The following CELSR1 variants were observed in gnomAD, a reference collection of about 807,000 sequenced individuals.
CELSR1 encodes the protein cadherin EGF LAG seven-pass G-type receptor 1, also known as adhesion G protein-coupled receptor C1.
CELSR1 carries 110 observed loss-of-function variants against 249.1 expected under a neutral mutation model. That is an observed-to-expected ratio of 0.44 (90% CI 0.38 to 0.52). CELSR1 has a LOEUF of 0.52. Ranked by LOEUF, CELSR1 falls within the 20% of genes least tolerant of loss-of-function variation. CELSR1 has a pLI of 0.00. For missense variants in CELSR1, 4,109 were observed against 4,296.4 expected (o/e 0.96, Z 1.22); for synonymous variants, 2,113 against 1,900.0 (o/e 1.11, Z -2.92).
At chr22:46,435,121 ATATT>A (rs1281532147) in intron 4 of CELSR1, among the ~76,000 whole-genome samples, 1 of 151,962 alleles carries the variant, frequency 6.6e-6, no homozygotes, top group Non-Finnish European at 1.5e-5. Context: ...CCTTGTCGAT[ATATT>A]TTTTTTAAAA....
At position 46,404,735 on chromosome 22, in the gene CELSR1, T is replaced by C. The variant is rs538384801; in HGVS notation, c.5226+4261A>G. 2.6e-3 allele frequency among the ~76,000 whole-genome samples: 396 copies of C among 150,994 alleles called. 5 individuals are homozygous for C. Among genetic ancestry groups the C allele is most frequent in the African/African-American group, 9.2e-3 (377 of 41,164 alleles). Reference sequence around the variant, plus strand: ...AACTCCTGACCTCAGGTGATCCACCTGCCTTGGCCTTCCAAAGTGGTAGGA... The same window carrying C: ...AACTCCTGACCTCAGGTGATCCACCCGCCTTGGCCTTCCAAAGTGGTAGGA... On this transcript the variant is annotated intron_variant, in intron 9 of 34. Transcript: ENST00000674500.
rs1041293745 is a variant in CELSR1 at position 46,500,483 on chromosome 22, T to C, written c.3544+33144A>G. ...GACAATGGCAAGGCTCTGGGCTTAT[T>C]CAGATGACTGGGGTGTGCTGAATGG... On this transcript the variant is annotated intron_variant, in intron 1 of 34. Transcript: ENST00000674500. This position sits in a 1 kb window ranked among gnomAD's most constrained non-coding sequence, Gnocchi z 4.9. 6.6e-6 allele frequency among the ~76,000 whole-genome samples: 1 copy of C among 152,088 alleles called. No homozygotes were observed. The highest frequency in any genetic ancestry group is 6.6e-5 in the Admixed American group (1 of 15,262).
In CELSR1 at chr22:46,464,293, C is replaced by T. The variant is rs374505467; in HGVS notation, c.3597G>A (p.Thr1199=). The T allele has an allele frequency of 1.9e-5, 30 of 1,613,446 alleles. No individual in the cohort carries two copies. Among genetic ancestry groups the T allele is most frequent in the East Asian group, 4.5e-5 (2 of 44,876 alleles). Residue 1199 remains threonine, a synonymous_variant, in exon 2 of 35, where the codon ACG becomes ACA. Transcript: ENST00000674500. The surrounding 1 kb of genome is among the most constrained non-coding windows in gnomAD (Gnocchi z 8.5). ...TGATGCTGTTGGTCAGCATGTCGTC[C>T]GTGATGATGGTGACACGCAGGGTGC... The part of the protein sequence containing the change: ...AFCTLRVTII[T]DDMLTNSITV...
Position 46,363,684 on chromosome 22 carries a change from C to T in CELSR1, c.9035+312G>A. 1 of 427,156 alleles carries T rather than the reference C, an allele frequency of 2.3e-6. No individual in the cohort carries two copies. The highest frequency in any genetic ancestry group is 2.0e-5 in the African/African-American group (1 of 49,952). The allele number at this position is 427,156 out of a possible 1,614,324, so 26.5% of individuals were successfully genotyped here. A position where few individuals can be genotyped will look rare whatever the true frequency, so the allele number is the denominator to read the frequency against. ...CAACTGCAAGGTGGGTGGCAGTGGT[C>T]CCAGGCGGAGACAATGCTGATCAAA... On this transcript the variant is annotated intron_variant, in intron 34 of 34. Transcript: ENST00000674500. This position sits in a 1 kb window ranked among gnomAD's most constrained non-coding sequence, Gnocchi z 4.3.
rs933388645 is a variant in CELSR1, at chr22:46,434,102, G to A, written c.4523-621C>T. 3.3e-5 allele frequency among the ~76,000 whole-genome samples: 5 copies of A among 152,326 alleles called. No homozygotes were observed. Among genetic ancestry groups the A allele is most frequent in the African/African-American group, 4.8e-5 (2 of 41,582 alleles). On this transcript the variant is annotated intron_variant, in intron 4 of 34. Coordinates refer to ENST00000674500, the MANE Select transcript of CELSR1 (RefSeq NM_001378328.1). This position sits in a 1 kb window ranked among gnomAD's most constrained non-coding sequence, Gnocchi z 4.9. ...CCTTTTTCCTATGCATTGCATCAACGTAGACAAAATCATCAAAACCAATTC... is the reference window on the plus strand; with the variant it reads ...CCTTTTTCCTATGCATTGCATCAACATAGACAAAATCATCAAAACCAATTC...
Position 46,434,756 on chromosome 22 carries a change from G to A in CELSR1, c.4523-1275C>T, listed in dbSNP as rs2079638002. On this transcript the variant is annotated intron_variant, in intron 4 of 34. Transcript: ENST00000674500. This position sits in a 1 kb window ranked among gnomAD's most constrained non-coding sequence, Gnocchi z 4.9. ...TCACATCTGTAATCCCAGCACTTTG[G>A]GAGGCCAAGGTGGGCGGATCACTTG... is the stretch of plus-strand genomic sequence containing the variant. 6.6e-6 allele frequency among the ~76,000 whole-genome samples: 1 copy of A among 152,170 alleles called. No individual in the cohort carries two copies. Among genetic ancestry groups the A allele is most frequent in the Non-Finnish European group, 1.5e-5 (1 of 68,036 alleles).
rs529210920 is a variant in CELSR1, at chr22:46,406,403, C to A, written c.5226+2593G>T. ...AGAGGTCTGTGCTGGAAAATGCTCC[C>A]GAGCTGTGATGGGGAGGAACAGGAG... On this transcript the variant is annotated intron_variant, in intron 9 of 34. Transcript: ENST00000674500. This position sits in a 1 kb window ranked among gnomAD's most constrained non-coding sequence, Gnocchi z 5.4. Among the ~76,000 whole-genome samples, 1 of 152,180 alleles carries A rather than the reference C, an allele frequency of 6.6e-6. No individual in the cohort carries two copies. The highest frequency in any genetic ancestry group is 6.5e-5 in the Admixed American group (1 of 15,276).
At chr22:46,378,831 A>C in intron 22 of CELSR1, 114 bp from the exon 23 acceptor site, 1 of 1,352,474 alleles carries the variant, frequency 7.4e-7, no homozygotes, top group Non-Finnish European at 1.0e-6. Context: ...GGCCAAACCA[A>C]ACAGCAGGTG....
intron 1 of CELSR1, among the ~76,000 whole-genome samples, chr22:46,475,177 C>T (rs937970863): frequency 2.6e-4 from 39 of 151,974 alleles, no homozygotes; most frequent in African/African-American, 8.5e-4. Context: ...GAGGAGAGCA[C>T]GAAAGAACCA....
chr22:46,452,741 G>A (rs979649990), intron 2 of CELSR1, among the ~76,000 whole-genome samples: 6 of 152,226 alleles, frequency 3.9e-5, no homozygotes, highest in African/African-American at 7.2e-5. Context: ...GCCTGGTGGT[G>A]GGTCCTACCT....
rs1472151568 is a variant in CELSR1, at chr22:46,365,566, C to A, written c.8404+20G>T. ...GGGAAAAACAACCCACGGGGTCCTC[C>A]CCCTCCAGGGAAGCCATACCAGGGG... On this transcript the variant is annotated intron_variant, in intron 31 of 34. Transcript: ENST00000674500. 1.3e-6 allele frequency: 2 copies of A among 1,573,814 alleles called. No individual in the cohort carries two copies. Among genetic ancestry groups the A allele is most frequent in the East Asian group, 4.6e-5 (2 of 43,118 alleles).
At chr22:46,379,024 C>T (rs746022636) in intron 22 of CELSR1, among the ~76,000 whole-genome samples, 1 of 152,238 alleles carries the variant, frequency 6.6e-6, no homozygotes, top group African/African-American at 2.4e-5. Flanking sequence ...AAGGAGCACC[C>T]TCTGAAGTTC....
At chr22:46,530,304 T>A (rs952410928) in intron 1 of CELSR1, 1 of 150,480 alleles carries the variant, frequency 6.6e-6, no homozygotes, top group Non-Finnish European at 1.5e-5. Flanking sequence ...TACACACACA[T>A]AAATTTGTGT....
chr22:46,491,101 G>T (rs2080363000), intron 1 of CELSR1, among the ~76,000 whole-genome samples: 1 of 152,032 alleles, frequency 6.6e-6, no homozygotes, highest in African/African-American at 2.4e-5. Context: ...GACATGGCCA[G>T]GACACAGAGC....
chr22:46,369,602 A>T (rs898105482), intron 26 of CELSR1, 90 bp downstream of exon 26: 7 of 1,210,640 alleles, frequency 5.8e-6, no homozygotes, highest in Non-Finnish European at 7.2e-6. Flanking sequence ...GGCTGCTCAG[A>T]GGAGTTGGTG....
In CELSR1 at chr22:46,428,194, T is replaced by C. The variant is rs976377081; in HGVS notation, c.4611+5199A>G. Among the ~76,000 whole-genome samples the C allele has an allele frequency of 6.6e-6, 1 of 152,186 alleles. No homozygotes were observed. Among genetic ancestry groups the C allele is most frequent in the Non-Finnish European group, 1.5e-5 (1 of 68,038 alleles). On this transcript the variant is annotated intron_variant, in intron 5 of 34. Coordinates refer to ENST00000674500, the MANE Select transcript of CELSR1 (RefSeq NM_001378328.1). The surrounding 1 kb of genome is among the most constrained non-coding windows in gnomAD (Gnocchi z 5.7). The stretch of plus-strand genomic sequence containing the variant: ...TCATGCTGTCTTTATAAAAGCACTT[T>C]CCGCAGCATGCCAAAGACAGCCCCG...
intron 5 of CELSR1, among the ~76,000 whole-genome samples, chr22:46,426,157 G>GCCGGGGAGGGGGCAGCCGGGGAGGGGGC (rs1569154727): frequency 6.6e-6 from 1 of 151,878 alleles, no homozygotes; most frequent in African/African-American, 2.4e-5. Flanking sequence ...GGAGGGGGCT[G>GCCGGGGAGGGGGCAGCCGGGGAGGGGGC]AGTGAAGCTG....
intron 14 of CELSR1, among the ~76,000 whole-genome samples, chr22:46,392,972 G>A (rs1024088693): frequency 2.0e-5 from 3 of 152,128 alleles, no homozygotes; most frequent in East Asian, 1.9e-4. Context: ...CGTGTGGACC[G>A]ACCCTGACCC....
At chr22:46,458,590 C>G (rs1483233608) in intron 2 of CELSR1, among the ~76,000 whole-genome samples, 1 of 152,186 alleles carries the variant, frequency 6.6e-6, no homozygotes, top group Non-Finnish European at 1.5e-5. Context: ...AGGATCAGAG[C>G]AGGGAGTATC....
Sources: allele counts gnomAD v4.1 joint callset (sites outside exome capture counted in the v4.1 genomes callset), GRCh38; gene constraint gnomAD v4.1.1; non-coding constraint Gnocchi (gnomAD v3.1); transcripts MANE v1.5; gene names NCBI Gene and HGNC (gene_info 2026-07-23, HGNC 2026-07-21).